The following SCAND3 variants were observed in gnomAD, a reference collection of about 807,000 sequenced individuals.
The protein encoded by SCAND3 is SCAN domain-containing protein 3.
chr6:28,573,551 A>C, the SCAND3 span: 1 of 1,613,340 alleles, frequency 6.2e-7, no homozygotes, highest in South Asian at 1.1e-5. Flanking sequence ...TTTGAATATA[A>C]ATGTCGCTTA....
At chr6:28,602,172 C>T in the SCAND3 span, among the ~76,000 whole-genome samples, 88,652 of 152,064 alleles carry the variant, frequency 0.58, 28,506 homozygotes, top group African/African-American at 0.86. Flanking sequence ...TATCTTTTCT[C>T]ACATATGATG....
chr6:28,573,781 G>C, the SCAND3 span: 4 of 1,564,334 alleles, frequency 2.6e-6, no homozygotes, highest in African/African-American at 1.4e-5. Context: ...TTCAGAAAAG[G>C]CATGTCTTTT....
At chr6:28,600,581 T>C in the SCAND3 span, among the ~76,000 whole-genome samples, 2 of 152,148 alleles carry the variant, frequency 1.3e-5, no homozygotes, top group Admixed American at 1.3e-4. Context: ...GAGCTGAGAT[T>C]GCACCACTGT....
chr6:28,604,483 G>T, the SCAND3 span, among the ~76,000 whole-genome samples: 1 of 151,960 alleles, frequency 6.6e-6, no homozygotes, highest in Non-Finnish European at 1.5e-5. Context: ...GGGCGTGGTG[G>T]CACACCCCTG....
chr6:28,611,332 T>C, the SCAND3 span, among the ~76,000 whole-genome samples: 1 of 152,230 alleles, frequency 6.6e-6, no homozygotes, highest in Non-Finnish European at 1.5e-5. Context: ...ATGGAGATAC[T>C]AGCAAAGAGC....
the SCAND3 span, chr6:28,572,475 C>T: frequency 8.1e-6 from 13 of 1,613,396 alleles, no homozygotes; most frequent in Non-Finnish European, 1.1e-5. This position sits in a 1 kb window ranked among gnomAD's most constrained non-coding sequence, Gnocchi z 4.1. Context: ...CTTCTAACTT[C>T]TGTTTTTGTC....
At chr6:28,571,780 T>G in the SCAND3 span, 1 of 1,161,670 alleles carries the variant, frequency 8.6e-7, no homozygotes, top group Non-Finnish European at 1.2e-6. Context: ...AATTGCTGTT[T>G]CACTCATAAC....
At chr6:28,596,032 T>C in the SCAND3 span, among the ~76,000 whole-genome samples, 1 of 152,230 alleles carries the variant, frequency 6.6e-6, no homozygotes, top group Non-Finnish European at 1.5e-5. Context: ...AAAATCCTTT[T>C]GGAGGGCCAT....
At chr6:28,598,067 G>A in the SCAND3 span, 4 of 152,166 alleles carry the variant, frequency 2.6e-5, no homozygotes, top group African/African-American at 9.7e-5. Flanking sequence ...GAATGTTACT[G>A]CGTAAGATGA....
the SCAND3 span, chr6:28,575,408 C>T: frequency 1.9e-6 from 3 of 1,614,062 alleles, no homozygotes. This position sits in a 1 kb window ranked among gnomAD's most constrained non-coding sequence, Gnocchi z 4.2. Flanking sequence ...GATTGTAGGA[C>T]ACTGGGTGCT....
the SCAND3 span, chr6:28,572,300 CTTT>C: frequency 3.1e-6 from 5 of 1,602,890 alleles, no homozygotes; most frequent in Non-Finnish European, 4.3e-6. This position sits in a 1 kb window ranked among gnomAD's most constrained non-coding sequence, Gnocchi z 4.1. Context: ...CGTGGATCTT[CTTT>C]TGATGGAAAA....
chr6:28,605,179 T>C, the SCAND3 span, among the ~76,000 whole-genome samples: 1 of 152,214 alleles, frequency 6.6e-6, no homozygotes, highest in African/African-American at 2.4e-5. Context: ...TCCCAACTGT[T>C]CCAACTCCCA....
At chr6:28,586,172 T>A in the SCAND3 span, 1 of 729,974 alleles carries the variant, frequency 1.4e-6, no homozygotes, top group South Asian at 1.7e-5. This position sits in a 1 kb window ranked among gnomAD's most constrained non-coding sequence, Gnocchi z 4.4. Flanking sequence ...TCTACACCAG[T>A]GATCAAATAA....
the SCAND3 span, among the ~76,000 whole-genome samples, chr6:28,604,525 A>G: frequency 6.6e-6 from 1 of 151,724 alleles, no homozygotes; most frequent in Non-Finnish European, 1.5e-5. Context: ...CTGAGGCAGG[A>G]GAATTGCTTG....
chr6:28,571,389 C>T, the SCAND3 span: 1 of 152,790 alleles, frequency 6.5e-6, no homozygotes, highest in Non-Finnish European at 1.5e-5. Flanking sequence ...TGTTCCCTTC[C>T]ATCTTTGTCT....
the SCAND3 span, among the ~76,000 whole-genome samples, chr6:28,613,217 C>T: frequency 6.6e-6 from 1 of 152,124 alleles, no homozygotes; most frequent in Non-Finnish European, 1.5e-5. Context: ...ACTAGCAAAA[C>T]ACCTTTTGCA....
the SCAND3 span, chr6:28,589,651 T>C: frequency 6.6e-6 from 1 of 151,926 alleles, no homozygotes; most frequent in Non-Finnish European, 1.5e-5. Flanking sequence ...AATTCACGGG[T>C]TTGGAGACAA....
the SCAND3 span, among the ~76,000 whole-genome samples, chr6:28,600,625 T>A: frequency 1.3e-5 from 2 of 152,004 alleles, no homozygotes; most frequent in Non-Finnish European, 2.9e-5. Context: ...AGACTCTGTC[T>A]CAAAAAAGTA....
chr6:28,586,187 TA>T, the SCAND3 span: 1 of 832,124 alleles, frequency 1.2e-6, no homozygotes, highest in South Asian at 1.7e-5. The surrounding 1 kb of genome is among the most constrained non-coding windows in gnomAD (Gnocchi z 4.4). Flanking sequence ...AAATAAGAAA[TA>T]ATGCCCCAAA....
Sources: allele counts gnomAD v4.1 joint callset (sites outside exome capture counted in the v4.1 genomes callset), GRCh38; gene constraint gnomAD v4.1.1; non-coding constraint Gnocchi (gnomAD v3.1); transcripts MANE v1.5; gene names NCBI Gene and HGNC (gene_info 2026-07-23, HGNC 2026-07-21).